Variants in INPP4B observed in about 807,000 individuals in gnomAD.
INPP4B encodes the protein inositol polyphosphate 4-phosphatase type II.
In INPP4B, 55 loss-of-function variants were observed where a neutral mutation model predicts 122.5. The ratio of observed to expected loss-of-function variants is 0.45; its 90% confidence interval spans 0.36 to 0.56. INPP4B has a LOEUF of 0.56. INPP4B is among the 20% of genes least tolerant of loss of function. The pLI, the probability that INPP4B is intolerant of heterozygous loss-of-function variation, is 0.00. For synonymous variants in INPP4B, 403 were observed against 388.7 expected (o/e 1.04, Z -0.43); for missense variants, 1,000 against 1,097.7 (o/e 0.91, Z 1.26).
intron 3 of INPP4B, among the ~76,000 whole-genome samples, chr4:142,453,667 C>T (rs1396160897): frequency 6.6e-6 from 1 of 152,108 alleles, no homozygotes. Context: ...TTGTCTACTG[C>T]ATACACATAA....
At chr4:142,450,163 G>C (rs1813826095) in intron 3 of INPP4B, among the ~76,000 whole-genome samples, 1 of 152,094 alleles carries the variant, frequency 6.6e-6, no homozygotes, top group South Asian at 2.1e-4. Flanking sequence ...CCTCAGCTCT[G>C]CTGCCCAACT....
chr4:142,390,529 T>G (rs1797321478), intron 7 of INPP4B, among the ~76,000 whole-genome samples: 1 of 152,162 alleles, frequency 6.6e-6, no homozygotes, highest in African/African-American at 2.4e-5. Context: ...CTTTTCTGAC[T>G]TATAACTTTG....
chr4:142,061,446 G>A (rs1760583267), intron 25 of INPP4B, among the ~76,000 whole-genome samples: 1 of 152,052 alleles, frequency 6.6e-6, no homozygotes, highest in African/African-American at 2.4e-5. Context: ...AACAATTAAT[G>A]TGTAAACAAA....
chr4:142,638,985 T>C (rs1749784676), intron 2 of INPP4B, among the ~76,000 whole-genome samples: 2 of 152,168 alleles, frequency 1.3e-5, no homozygotes, highest in South Asian at 2.1e-4. Context: ...TTATCATGAA[T>C]GGGTGTTGGA....
At position 142,132,933 on chromosome 4, in the gene INPP4B, T is replaced by C. The variant is rs199667623; in HGVS notation, c.1721-8173A>G. Among the ~76,000 whole-genome samples, 6 of 152,286 alleles carry C rather than the reference T, an allele frequency of 3.9e-5. No individual in the cohort carries two copies. The East Asian group carries it at 1.2e-3, about 29-fold the overall frequency. ...TTACTTCCTCTTTCTTTTAACCCAC[T>C]CTACTTAATTCCTACCCACTCTAGT... On this transcript the variant is annotated intron_variant, in intron 18 of 25. Transcript: ENST00000262992.
chr4:142,442,146 C>G (rs79235480), intron 3 of INPP4B, among the ~76,000 whole-genome samples: 1 of 152,106 alleles, frequency 6.6e-6, no homozygotes, highest in African/African-American at 2.4e-5. Flanking sequence ...CGGTGGCTCA[C>G]GCCTACCTGT....
chr4:142,494,913 TC>T (rs1385608410), intron 2 of INPP4B, among the ~76,000 whole-genome samples: 5 of 152,156 alleles, frequency 3.3e-5, no homozygotes, highest in African/African-American at 1.2e-4. Flanking sequence ...GAGATGAGCC[TC>T]ATTTTTTCCC....
chr4:142,046,774 A>G lies in INPP4B; in HGVS notation c.2643-17860T>C, dbSNP rs558388032. ...GAATGTGGAAAGTAGATTGGAAGAT[A>G]AAGGACTGGAGAAAAGGGAATTAAG... On this transcript the variant is annotated intron_variant, in intron 25 of 25. Transcript: ENST00000262992. Among the ~76,000 whole-genome samples, 81 of 152,188 alleles carry G rather than the reference A, an allele frequency of 5.3e-4. 1 individual carries two copies. Among genetic ancestry groups the G allele is most frequent in the African/African-American group, 1.9e-3 (78 of 41,552 alleles).
chr4:142,608,412 G>C (rs1322410780), intron 2 of INPP4B, among the ~76,000 whole-genome samples: 1 of 152,058 alleles, frequency 6.6e-6, no homozygotes, highest in Non-Finnish European at 1.5e-5. Flanking sequence ...ATCTTTTCTT[G>C]ACACCAACAT....
At chr4:142,160,067 A>G (rs1819334861) in intron 17 of INPP4B, among the ~76,000 whole-genome samples, 1 of 152,056 alleles carries the variant, frequency 6.6e-6, no homozygotes, top group South Asian at 2.1e-4. Context: ...TTCATGTTTT[A>G]TATAGTTTGG....
chr4:142,433,483 T>C (rs567070478), intron 3 of INPP4B, among the ~76,000 whole-genome samples: 30 of 152,196 alleles, frequency 2.0e-4, no homozygotes, highest in South Asian at 4.1e-4. Context: ...TTGGTAGTTA[T>C]AGTTCAGTTA....
At chr4:142,439,617 G>A (rs573273504) in intron 3 of INPP4B, among the ~76,000 whole-genome samples, 1 of 152,264 alleles carries the variant, frequency 6.6e-6, no homozygotes, top group Non-Finnish European at 1.5e-5. Context: ...AATGCACAAA[G>A]TCAAGAGTTT....
In INPP4B at chr4:142,202,807, C is replaced by T. The variant is rs183863987; in HGVS notation, c.1072+5618G>A. 4.5e-3 allele frequency: 4,476 copies of T among 984,464 alleles called. 9 individuals carry two copies. The highest frequency in any genetic ancestry group is 5.1e-3 in the Non-Finnish European group (4,231 of 829,106). The allele number at this position is 984,464 out of a possible 1,614,324, so 61.0% of individuals were successfully genotyped here. ...CAAAAACAATGAGAGTGGGCGGGGC[C>T]GTGCTTGACAGGTGTGTTTCACTCA... On this transcript the variant is annotated intron_variant, in intron 14 of 25. Transcript: ENST00000262992.
chr4:142,149,693 C>G (rs573900834), intron 17 of INPP4B, among the ~76,000 whole-genome samples: 5 of 152,282 alleles, frequency 3.3e-5, no homozygotes, highest in Admixed American at 2.6e-4. Context: ...AGAGATAAGT[C>G]TACAAAATGA....
chr4:142,734,077 G>C (rs1766474038), intron 1 of INPP4B, among the ~76,000 whole-genome samples: 1 of 152,156 alleles, frequency 6.6e-6, no homozygotes, highest in African/African-American at 2.4e-5. Context: ...CAGTTAGACT[G>C]TCTTTGGCAA....
intron 7 of INPP4B, among the ~76,000 whole-genome samples, chr4:142,362,883 T>C (rs1255839197): frequency 2.6e-5 from 4 of 151,948 alleles, no homozygotes; most frequent in Admixed American, 6.6e-5. Context: ...TTCCTATTGG[T>C]TAGTACGTTC....
chr4:142,531,895 GATAAAT>G (rs1193263170), intron 2 of INPP4B, among the ~76,000 whole-genome samples: 3 of 152,084 alleles, frequency 2.0e-5, no homozygotes, highest in Non-Finnish European at 4.4e-5. Context: ...GAATATAACT[GATAAAT>G]ATAAACATTA....
intron 25 of INPP4B, among the ~76,000 whole-genome samples, chr4:142,070,272 G>A (rs969903733): frequency 6.6e-6 from 1 of 152,096 alleles, no homozygotes; most frequent in African/African-American, 2.4e-5. Flanking sequence ...AAATGCCTTC[G>A]ACAAAATTCG....
chr4:142,554,143 T>C (rs1451644946), intron 2 of INPP4B, among the ~76,000 whole-genome samples: 1 of 145,042 alleles, frequency 6.9e-6, no homozygotes, highest in Non-Finnish European at 1.5e-5. Flanking sequence ...GAGCCGATAT[T>C]GCCCAGTGCA....
Sources: allele counts gnomAD v4.1 joint callset (sites outside exome capture counted in the v4.1 genomes callset), GRCh38; gene constraint gnomAD v4.1.1; transcripts MANE v1.5; gene names NCBI Gene and HGNC (gene_info 2026-07-23, HGNC 2026-07-21).